VWF: variants seen among roughly 807,000 people sequenced by gnomAD.
VWF encodes Factor VIII related antigen.
In VWF, 176 loss-of-function variants were observed where a neutral mutation model predicts 308.6. The observed-to-expected ratio is 0.57, with a 90% CI of 0.50 to 0.65. VWF has a LOEUF of 0.65. Among genes scored for constraint, VWF ranks in the 30% least tolerant of loss-of-function variants. The pLI is 0.00. For missense variants in VWF, 3,146 were observed against 3,648.2 expected (o/e 0.86, Z 3.55); for synonymous variants, 1,385 against 1,443.4 (o/e 0.96, Z 0.92).
At chr12:6,054,001 G>A (rs1944547593) in intron 15 of VWF, among the ~76,000 whole-genome samples, 1 of 152,186 alleles carries the variant, frequency 6.6e-6, no homozygotes, top group East Asian at 1.9e-4. Context: ...CCTTCCCTGT[G>A]CAGACCAGCT....
intron 39 of VWF, 113 bp downstream of exon 39, chr12:5,985,450 C>T (rs573491767): frequency 6.5e-4 from 786 of 1,203,420 alleles, no homozygotes; most frequent in Non-Finnish European, 8.5e-4. Flanking sequence ...CACTCTAGGA[C>T]TCTAGGTGCC....
Position 6,075,821 on chromosome 12 carries a change from G to A in VWF, c.658-270C>T, listed in dbSNP as rs534273817. Among the ~76,000 whole-genome samples, 1 of 152,348 alleles carries A rather than the reference G, an allele frequency of 6.6e-6. No homozygotes were observed. Among genetic ancestry groups the A allele is most frequent in the South Asian group, 2.1e-4 (1 of 4,832 alleles). ...CCAAGGCCCTGGATTGCCATGGTGG[G>A]CAGTGTCCTAGGAACGGACAGAGGA... On this transcript the variant is annotated intron_variant, in intron 6 of 51. Transcript: ENST00000261405. The surrounding 1 kb of genome is among the most constrained non-coding windows in gnomAD (Gnocchi z 4.7).
At position 6,092,642 on chromosome 12, in the gene VWF, T is replaced by A. The variant is rs1167188817; in HGVS notation, c.657+2818A>T. ...GAGTGTGTGTGTGTGTGTGTGTGTG[T>A]GTGTGTGTGTGTGTGTGTGTGTGTG... On this transcript the variant is annotated intron_variant, in intron 6 of 51. Coordinates refer to ENST00000261405, the MANE Select transcript of VWF (RefSeq NM_000552.5). 5.6e-3 allele frequency among the ~76,000 whole-genome samples: 588 copies of A among 104,270 alleles called. 7 individuals carry two copies. The highest frequency in any genetic ancestry group is 0.012 in the African/African-American group (141 of 11,364). The allele number at this position is 104,270 out of a possible 152,430, so 68.4% of individuals were successfully genotyped here.
chr12:6,062,700 C>T (rs1018941246), intron 13 of VWF, among the ~76,000 whole-genome samples: 1 of 152,134 alleles, frequency 6.6e-6, no homozygotes, highest in Non-Finnish European at 1.5e-5. Flanking sequence ...CCCAGCCCCA[C>T]AAGAGCCCAC....
At chr12:6,064,090 C>T (rs541361777) in intron 12 of VWF, among the ~76,000 whole-genome samples, 156 bp downstream of exon 12, 1 of 152,346 alleles carries the variant, frequency 6.6e-6, no homozygotes, top group Non-Finnish European at 1.5e-5. Flanking sequence ...GGGATGCATG[C>T]CAAGCACCCC....
rs1591866435 is a variant in VWF at position 6,023,840 on chromosome 12, T to C, written c.3223-53A>G. 15 of 1,598,582 alleles carry C rather than the reference T, an allele frequency of 9.4e-6. No homozygotes were observed. In the East Asian group the frequency reaches 3.1e-4, roughly 33 times the overall value. ...GCCTATGGCCAGGTGTCAGGAACTC[T>C]GGCTCTTAGTCTGGGTGCAAATGTT... is the stretch of plus-strand genomic sequence containing the variant. On this transcript the variant is annotated intron_variant, in intron 24 of 51. Transcript: ENST00000261405.
chr12:6,107,899 C>A lies in VWF; in HGVS notation c.532+2475G>T, dbSNP rs949500845. ...AGTCTCCATCTCCTGACCTCATGATCCGCCCACTTCGGCCTCCCAAAGTGC... is the reference window on the plus strand; with the variant it reads ...AGTCTCCATCTCCTGACCTCATGATACGCCCACTTCGGCCTCCCAAAGTGC... On this transcript the variant is annotated intron_variant, in intron 5 of 51. Coordinates refer to ENST00000261405, the MANE Select transcript of VWF (RefSeq NM_000552.5). 2.6e-5 allele frequency among the ~76,000 whole-genome samples: 4 copies of A among 152,048 alleles called. No individual in the cohort carries two copies. The East Asian group carries it at 5.8e-4, about 22-fold the overall frequency.
intron 27 of VWF, chr12:6,021,691 G>C (rs1305189375): frequency 1.6e-6 from 1 of 610,384 alleles, no homozygotes; most frequent in African/African-American, 1.9e-5. Flanking sequence ...AAGCAGTCTA[G>C]TCCATCCCTA....
chr12:6,007,753 A>G (rs1943945226), intron 34 of VWF, among the ~76,000 whole-genome samples: 2 of 152,138 alleles, frequency 1.3e-5, no homozygotes, highest in African/African-American at 4.8e-5. Context: ...ATATCAATAA[A>G]ACTTAGAATT....
In VWF at chr12:6,016,511, G is replaced by A. The variant is rs376104182; in HGVS notation, c.5311+5C>T. The A allele has an allele frequency of 1.1e-5, 17 of 1,613,464 alleles. No homozygotes were observed. Among genetic ancestry groups the A allele is most frequent in the African/African-American group, 9.3e-5 (7 of 74,908 alleles). On this transcript the variant is annotated splice_donor_5th_base_variant and intron_variant, in intron 30 of 51. Transcript: ENST00000261405. Reference sequence around the variant, plus strand: ...TCTGCATCCAGCCTGTGGCACCAACGTTACCGATTTGGCTGGGGCCTCCCT... The same window carrying A: ...TCTGCATCCAGCCTGTGGCACCAACATTACCGATTTGGCTGGGGCCTCCCT...
At chr12:6,085,310 A>G (rs1365042683) in intron 6 of VWF, among the ~76,000 whole-genome samples, 1 of 152,216 alleles carries the variant, frequency 6.6e-6, no homozygotes, top group African/African-American at 2.4e-5. Flanking sequence ...AATTCCCCTA[A>G]GCTGCGCTAT....
At chr12:6,106,842 TGCA>T (rs1945249299) in intron 5 of VWF, among the ~76,000 whole-genome samples, 1 of 129,538 alleles carries the variant, frequency 7.7e-6, no homozygotes, top group African/African-American at 3.0e-5. Flanking sequence ...ACCATTGCAC[TGCA>T]GCCTGGGCAA....
intron 41 of VWF, 77 bp downstream of exon 41, chr12:5,983,073 G>A: frequency 1.4e-6 from 2 of 1,395,076 alleles, no homozygotes; most frequent in Non-Finnish European, 2.0e-6. Context: ...TCTTGGAAGA[G>A]GTCCCTGAGG....
intron 3 of VWF, among the ~76,000 whole-genome samples, chr12:6,116,384 G>A (rs1373252276): frequency 1.3e-5 from 2 of 152,180 alleles, no homozygotes; most frequent in African/African-American, 4.8e-5. Flanking sequence ...TCAGACCTGG[G>A]CGCTCTCTTA....
chr12:6,110,263 A>T, intron 5 of VWF, 111 bp downstream of exon 5: 1 of 1,128,024 alleles, frequency 8.9e-7, no homozygotes, highest in Non-Finnish European at 1.4e-6. Context: ...AATTGAGGTG[A>T]GGTCACAGTG....
chr12:6,085,251 C>T (rs1944955896), intron 6 of VWF, among the ~76,000 whole-genome samples: 1 of 152,228 alleles, frequency 6.6e-6, no homozygotes, highest in Admixed American at 6.5e-5. Flanking sequence ...GAATCACTCA[C>T]CCATCCTGCT....
In VWF at chr12:6,020,961, T is replaced by C. The variant is rs1320272347; in HGVS notation, c.3674+939A>G. Among the ~76,000 whole-genome samples, 1 of 152,058 alleles carries C rather than the reference T, an allele frequency of 6.6e-6. No homozygotes were observed. Among genetic ancestry groups the C allele is most frequent in the African/African-American group, 2.4e-5 (1 of 41,300 alleles). On this transcript the variant is annotated intron_variant, in intron 27 of 51. Coordinates refer to ENST00000261405, the MANE Select transcript of VWF (RefSeq NM_000552.5). This position sits in a 1 kb window ranked among gnomAD's most constrained non-coding sequence, Gnocchi z 4.3. Reference sequence around the variant, plus strand: ...GCATCAGAATCACCCAGTCCTTTGCTCCCTACAGTCTCTGTTTCAGCATAA... The same window carrying C: ...GCATCAGAATCACCCAGTCCTTTGCCCCCTACAGTCTCTGTTTCAGCATAA...
chr12:6,030,550 A>G (rs908610044), intron 21 of VWF, among the ~76,000 whole-genome samples: 19 of 152,142 alleles, frequency 1.2e-4, no homozygotes, highest in Non-Finnish European at 2.8e-4. Flanking sequence ...TGGCCTGGGG[A>G]TGACCTGCAA....
At chr12:6,084,781 A>G (rs1665192111) in intron 6 of VWF, among the ~76,000 whole-genome samples, 1 of 151,868 alleles carries the variant, frequency 6.6e-6, no homozygotes, top group Non-Finnish European at 1.5e-5. Context: ...GTAGGTATGG[A>G]GGCGCCTGGA....
Sources: allele counts gnomAD v4.1 joint callset (sites outside exome capture counted in the v4.1 genomes callset), GRCh38; gene constraint gnomAD v4.1.1; non-coding constraint Gnocchi (gnomAD v3.1); transcripts MANE v1.5; gene names NCBI Gene and HGNC (gene_info 2026-07-23, HGNC 2026-07-21).